OTUD7A: variants seen among roughly 807,000 people sequenced by gnomAD.
The protein encoded by OTUD7A is OTU domain-containing protein 7A.
In OTUD7A, 12 loss-of-function variants were observed where a neutral mutation model predicts 65.7. The observed-to-expected ratio is 0.18, with a 90% CI of 0.12 to 0.30. OTUD7A has a LOEUF of 0.30. OTUD7A is among the 10% of genes least tolerant of loss of function. The pLI, the probability that OTUD7A is intolerant of heterozygous loss-of-function variation, is 1.00. For missense variants in OTUD7A, 1,148 were observed against 1,304.8 expected, an observed-to-expected ratio of 0.88 and a Z score of 1.85; for synonymous variants, 641 against 586.3, an observed-to-expected ratio of 1.09 and a Z score of -1.35.
chr15:31,685,112 T>C (rs1208631888), intron 1 of OTUD7A, among the ~76,000 whole-genome samples: 1 of 152,258 alleles, frequency 6.6e-6, no homozygotes, highest in African/African-American at 2.4e-5. Flanking sequence ...CAAATAAGTC[T>C]GATTGATCCC....
At chr15:31,742,249 A>C (rs967498438) in intron 1 of OTUD7A, among the ~76,000 whole-genome samples, 1 of 152,122 alleles carries the variant, frequency 6.6e-6, no homozygotes, top group Non-Finnish European at 1.5e-5. Context: ...AGAAGTAGTA[A>C]GAAAAAAGAA....
rs531313199 is a variant in OTUD7A, at chr15:31,663,246, A to AACACACACACACACACAC, written c.-99-6187_-99-6170dup. ...ATGCTGGGTGTGGGGTCTTGGGCTA[A>AACACACACACACACACAC]ACACACACACACACACACACACACA... On this transcript the variant is annotated intron_variant, in intron 1 of 12. Transcript: ENST00000307050. 2.4e-3 allele frequency among the ~76,000 whole-genome samples: 339 copies of AACACACACACACACACAC among 140,630 alleles called. 3 individuals are homozygous for AACACACACACACACACAC. The highest frequency in any genetic ancestry group is 8.1e-3 in the African/African-American group (301 of 37,376). The allele number at this position is 140,630 out of a possible 152,430, so 92.3% of individuals were successfully genotyped here.
intron 10 of OTUD7A, among the ~76,000 whole-genome samples, chr15:31,491,099 C>A (rs1348987407): frequency 1.3e-5 from 2 of 149,974 alleles, no homozygotes; most frequent in African/African-American, 4.9e-5. Context: ...TCAGCAACGA[C>A]AACAAAAAAC....
chr15:31,725,404 ATT>A (rs1464663068), intron 1 of OTUD7A, among the ~76,000 whole-genome samples: 1 of 152,092 alleles, frequency 6.6e-6, no homozygotes, highest in Non-Finnish European at 1.5e-5. Flanking sequence ...TTGTTCTTTT[ATT>A]TAGCCCATGG....
rs113021384 is a variant in OTUD7A, at chr15:31,509,452, T to G, written c.894-5634A>C. Among the ~76,000 whole-genome samples, 1,504 of 152,150 alleles carry G rather than the reference T, an allele frequency of 9.9e-3. 7 individuals carry two copies. Among genetic ancestry groups the G allele is most frequent in the Non-Finnish European group, 0.017 (1,135 of 67,996 alleles). ...TGCCTCCATGCCCGGCTATTTTTTT[T>G]GTATTTTTAGTAGAGATGGGGTTTC... On this transcript the variant is annotated intron_variant, in intron 8 of 12. Coordinates refer to ENST00000307050, the MANE Select transcript of OTUD7A (RefSeq NM_001382637.1).
intron 1 of OTUD7A, among the ~76,000 whole-genome samples, chr15:31,841,098 C>T (rs1429462560): frequency 6.6e-6 from 1 of 152,188 alleles, no homozygotes; most frequent in East Asian, 1.9e-4. Flanking sequence ...AAAGCACCAC[C>T]TCCAATACAT....
At chr15:31,691,277 T>C (rs11071284) in intron 1 of OTUD7A, among the ~76,000 whole-genome samples, 75,164 of 148,256 alleles carry the variant, frequency 0.51, 21,289 homozygotes, top group South Asian at 0.7. Flanking sequence ...CTTGAACAGC[T>C]GAAGTGATCC....
At chr15:31,640,853 T>G (rs1300566758) in intron 3 of OTUD7A, among the ~76,000 whole-genome samples, 2 of 152,164 alleles carry the variant, frequency 1.3e-5, no homozygotes, top group African/African-American at 4.8e-5. Flanking sequence ...TGTGTATGTG[T>G]GTGTGTATGT....
At chr15:31,855,815 T>G (rs908778615) in intron 1 of OTUD7A, among the ~76,000 whole-genome samples, 8 of 152,214 alleles carry the variant, frequency 5.3e-5, no homozygotes, top group African/African-American at 1.9e-4. Context: ...GCAACATTAA[T>G]AAACAGCAAC....
chr15:31,635,320 G>C (rs1891306375), intron 3 of OTUD7A, among the ~76,000 whole-genome samples: 1 of 152,168 alleles, frequency 6.6e-6, no homozygotes, highest in Admixed American at 6.5e-5. Flanking sequence ...CTTGCTCACT[G>C]CCCTCAATTT....
At position 31,481,800 on chromosome 15, in the gene OTUD7A, G is replaced by C. The variant is rs988398748; in HGVS notation, c.*1494C>G. ...GTTAGGGAAAAAAGCATCGTTTCTA[G>C]AGGAGAAGCTGGCTCCAGTGAAGAG... On this transcript the variant is annotated 3_prime_UTR_variant, in exon 13 of 13. Transcript: ENST00000307050. 1 of 152,022 alleles carries C rather than the reference G, an allele frequency of 6.6e-6. No homozygotes were observed. The highest frequency in any genetic ancestry group is 2.4e-5 in the African/African-American group (1 of 41,240). The allele number at this position is 152,022 out of a possible 1,614,324, so 9.4% of individuals were successfully genotyped here. A position where few individuals can be genotyped will look rare whatever the true frequency, so the allele number is the denominator to read the frequency against.
chr15:31,826,442 G>A (rs773839275), intron 1 of OTUD7A, among the ~76,000 whole-genome samples: 23 of 152,306 alleles, frequency 1.5e-4, no homozygotes, highest in South Asian at 4.2e-4. Flanking sequence ...GCACCAAGTC[G>A]CTAGGCTGGA....
At chr15:31,511,739 ATATATATGTATAT>A in intron 8 of OTUD7A, among the ~76,000 whole-genome samples, 1 of 149,044 alleles carries the variant, frequency 6.7e-6, no homozygotes, top group South Asian at 2.1e-4. Context: ...TGTAACACAC[ATATATATGTATAT>A]CTATATGTAA....
intron 1 of OTUD7A, among the ~76,000 whole-genome samples, chr15:31,856,948 T>A (rs1165364841): frequency 6.6e-6 from 1 of 152,204 alleles, no homozygotes; most frequent in East Asian, 1.9e-4. Context: ...CCTCTCTTTT[T>A]CCAGGTGACC....
chr15:31,838,581 C>T (rs1897109985), intron 1 of OTUD7A, among the ~76,000 whole-genome samples: 1 of 152,284 alleles, frequency 6.6e-6, no homozygotes, highest in Admixed American at 6.5e-5. Context: ...AGGCTACCCC[C>T]ACTAATAATC....
At chr15:31,868,072 T>C (rs984668354) in intron 1 of OTUD7A, among the ~76,000 whole-genome samples, 12 of 152,236 alleles carry the variant, frequency 7.9e-5, no homozygotes. Flanking sequence ...TCCGTGGGCC[T>C]AAGGCATGAA....
At chr15:31,765,850 T>G (rs1406355607) in intron 1 of OTUD7A, 2 of 1,304,466 alleles carry the variant, frequency 1.5e-6, no homozygotes, top group African/African-American at 1.5e-5. Flanking sequence ...GTTGGAAATC[T>G]TTTCTGATAT....
chr15:31,738,642 C>A (rs1165951605), intron 1 of OTUD7A, among the ~76,000 whole-genome samples: 3 of 152,168 alleles, frequency 2.0e-5, no homozygotes, highest in African/African-American at 7.2e-5. Context: ...GCTGTTACCC[C>A]CTGTACATGC....
chr15:31,490,681 T>G (rs964993522), intron 10 of OTUD7A, among the ~76,000 whole-genome samples: 3 of 152,332 alleles, frequency 2.0e-5, no homozygotes, highest in African/African-American at 7.2e-5. Context: ...TGAAATAATA[T>G]GGAACCCTGG....
Sources: gnomAD v4.1 joint callset for allele counts (sites outside exome capture counted in the v4.1 genomes callset) on GRCh38, gnomAD v4.1.1 for gene constraint, MANE v1.5 for transcripts, NCBI Gene and HGNC (gene_info 2026-07-23, HGNC 2026-07-21) for gene names.